Variants in PDZD2 observed in about 807,000 individuals in gnomAD.
PDZD2 encodes the protein PDZ domain containing 2.
In PDZD2, 90 loss-of-function variants were observed where a neutral mutation model predicts 220.7. The observed-to-expected ratio is 0.41, with a 90% CI of 0.34 to 0.49. The LOEUF is 0.49. PDZD2 is among the 20% of genes least tolerant of loss of function. The pLI is 0.28. For synonymous variants in PDZD2, 1,375 were observed against 1,450.5 expected, an observed-to-expected ratio of 0.95 and a Z score of 1.18; for missense variants, 3,174 against 3,608.5, an observed-to-expected ratio of 0.88 and a Z score of 3.08.
intron 2 of PDZD2, among the ~76,000 whole-genome samples, chr5:31,804,967 G>T (rs959288703): frequency 3.9e-5 from 6 of 152,348 alleles, no homozygotes; most frequent in Admixed American, 2.0e-4. Context: ...GCCGAGGCGG[G>T]TTGGTCAGCT....
At chr5:31,925,951 C>T (rs1744718057) in intron 2 of PDZD2, among the ~76,000 whole-genome samples, 1 of 152,120 alleles carries the variant, frequency 6.6e-6, no homozygotes, top group South Asian at 2.1e-4. Context: ...AGTCAAGTGC[C>T]TCATGCCTAT....
chr5:32,105,142 A>ACAAT (rs539018133), intron 24 of PDZD2, among the ~76,000 whole-genome samples: 1,873 of 152,042 alleles, frequency 0.012, 19 homozygotes, highest in Non-Finnish European at 0.018. Context: ...TCAAAAAAAA[A>ACAAT]CAATCAATCA....
chr5:31,951,855 T>C (rs16901697), intron 2 of PDZD2, among the ~76,000 whole-genome samples: 69,083 of 152,070 alleles, frequency 0.45, 15,955 homozygotes, highest in East Asian at 0.68. Context: ...GGAAAAAAAG[T>C]ATGAAAAGTA....
intron 1 of PDZD2, among the ~76,000 whole-genome samples, chr5:31,648,646 A>G (rs2150105107): frequency 6.6e-6 from 1 of 152,054 alleles, no homozygotes; most frequent in Admixed American, 6.5e-5. Context: ...TCCTCCGAGC[A>G]GCCAGAGGGG....
chr5:31,686,173 G>A (rs1035361440), intron 1 of PDZD2, among the ~76,000 whole-genome samples: 7 of 151,464 alleles, frequency 4.6e-5, no homozygotes, highest in Non-Finnish European at 8.8e-5. Context: ...GCAGTGAGCC[G>A]AGATTGTGCC....
rs962138780 is a variant in PDZD2 at position 32,110,891 on chromosome 5, T to A, written c.*2756T>A. 1 of 152,280 alleles carries A rather than the reference T, an allele frequency of 6.6e-6. No individual in the cohort carries two copies. The highest frequency in any genetic ancestry group is 1.5e-5 in the Non-Finnish European group (1 of 68,042). 9.4% of individuals were successfully genotyped at this position (152,280 alleles called of 1,614,324 possible). A position where few individuals can be genotyped will look rare whatever the true frequency, so the allele number is the denominator to read the frequency against. ...CCACATCTCTGTAAACAACCTTTTT[T>A]AAGTAATTTTAAAAAAAATAAACAC... On this transcript the variant is annotated 3_prime_UTR_variant, in exon 25 of 25. Transcript: ENST00000438447.
intron 19 of PDZD2, among the ~76,000 whole-genome samples, chr5:32,082,268 C>T (rs1166188585): frequency 6.6e-6 from 1 of 152,084 alleles, no homozygotes; most frequent in Non-Finnish European, 1.5e-5. Context: ...GTGATCCACC[C>T]ACCTCAGCCT....
chr5:31,826,384 T>C (rs1756220844), intron 2 of PDZD2, among the ~76,000 whole-genome samples: 1 of 152,108 alleles, frequency 6.6e-6, no homozygotes, highest in African/African-American at 2.4e-5. Flanking sequence ...TTTTACAAGA[T>C]ATTTGAGGCC....
chr5:32,105,318 T>A (rs1239212197), intron 24 of PDZD2, among the ~76,000 whole-genome samples: 1 of 152,158 alleles, frequency 6.6e-6, no homozygotes, highest in Admixed American at 6.5e-5. Context: ...GGATGAAAAT[T>A]AGAAATATTA....
rs148866882 is a variant in PDZD2, at chr5:32,110,177, A to ATAAT, written c.*2051_*2054dup. The ATAAT allele has an allele frequency of 1.3e-5, 2 of 152,618 alleles. No homozygotes were observed. Among genetic ancestry groups the ATAAT allele is most frequent in the African/African-American group, 4.8e-5 (2 of 41,420 alleles). The allele number at this position is 152,618 out of a possible 1,614,324, so 9.5% of individuals were successfully genotyped here. On this transcript the variant is annotated 3_prime_UTR_variant, in exon 25 of 25. Transcript: ENST00000438447. ...TCCACTCTTACAGCTGTGCCTAATA[A>ATAAT]TAATTAATTAATAAACGCACAGCCC... is the stretch of plus-strand genomic sequence containing the variant.
chr5:31,694,772 G>GGATTT lies in PDZD2; in HGVS notation c.-361+55336_-361+55340dup, dbSNP rs1474315303. On this transcript the variant is annotated intron_variant, in intron 1 of 24. Coordinates refer to ENST00000438447, the MANE Select transcript of PDZD2 (RefSeq NM_178140.4). Reference sequence around the variant, plus strand: ...TTTTTTTTTTCATATGTTACATCCTGGATTTTATTTTATTTTATTTATTTA... The same window carrying GGATTT: ...TTTTTTTTTTCATATGTTACATCCTGGATTTGATTTTATTTTATTTTATTTATTTA... 2.3e-5 allele frequency among the ~76,000 whole-genome samples: 3 copies of GGATTT among 128,720 alleles called. No homozygotes were observed. The Admixed American group carries it at 2.4e-4, about 10-fold the overall frequency. The allele number at this position is 128,720 out of a possible 152,430, so 84.4% of individuals were successfully genotyped here. A position where few individuals can be genotyped will look rare whatever the true frequency, so the allele number is the denominator to read the frequency against.
At chr5:31,725,189 T>A (rs1749047956) in intron 1 of PDZD2, among the ~76,000 whole-genome samples, 1 of 151,476 alleles carries the variant, frequency 6.6e-6, no homozygotes, top group East Asian at 1.9e-4. Context: ...CAAAAAAAAA[T>A]TAGCCAGGCG....
chr5:32,049,859 G>A lies in PDZD2; in HGVS notation c.1665+1175G>A, dbSNP rs186927944. On this transcript the variant is annotated intron_variant, in intron 8 of 24. Transcript: ENST00000438447. ...CAAACTTGTCCAGGCCCAGGACTGC[G>A]ACCTGCTCAGAATGGTCCTGTTGGA... 7.5e-4 allele frequency among the ~76,000 whole-genome samples: 114 copies of A among 152,276 alleles called. 2 individuals carry two copies. In the East Asian group the frequency reaches 0.01, roughly 13 times the overall value.
intron 2 of PDZD2, among the ~76,000 whole-genome samples, chr5:31,931,124 G>A (rs1745247646): frequency 6.6e-6 from 1 of 152,180 alleles, no homozygotes; most frequent in Admixed American, 6.5e-5. Flanking sequence ...CTGGGTTCAA[G>A]CAATTCTCCT....
At position 31,854,961 on chromosome 5, in the gene PDZD2, CG is replaced by C. The variant is rs1561512025; in HGVS notation, c.476+55240del. On this transcript the variant is annotated intron_variant, in intron 2 of 24. Transcript: ENST00000438447. ...CCTGGAGCCGGCGGAGAGCAGCCTT[CG>C]GGAAGTCCTGCAGGAGCCGCGTTCC... 4.1e-6 allele frequency: 4 copies of C among 985,232 alleles called. No homozygotes were observed. The African/African-American group carries it at 7.0e-5, about 17-fold the overall frequency. The allele number at this position is 985,232 out of a possible 1,614,324, so 61.0% of individuals were successfully genotyped here.
At chr5:31,852,073 T>G (rs1758089525) in intron 2 of PDZD2, among the ~76,000 whole-genome samples, 1 of 152,026 alleles carries the variant, frequency 6.6e-6, no homozygotes, top group Non-Finnish European at 1.5e-5. Context: ...GGCAGGCTGG[T>G]CTTGAGCTCC....
intron 1 of PDZD2, among the ~76,000 whole-genome samples, chr5:31,642,049 G>A (rs1744968069): frequency 6.6e-6 from 1 of 152,152 alleles, no homozygotes; most frequent in Admixed American, 6.5e-5. Flanking sequence ...ACACAGAGCT[G>A]TGGATACCCC....
rs185436193 is a variant in PDZD2, at chr5:31,864,537, G to A, written c.476+64813G>A. Reference sequence around the variant, plus strand: ...TGAATTGCATCCTTTTTTTTTTTTGGAGACGGAGTTTCGCTCTTGTCGCCC... The same window carrying A: ...TGAATTGCATCCTTTTTTTTTTTTGAAGACGGAGTTTCGCTCTTGTCGCCC... On this transcript the variant is annotated intron_variant, in intron 2 of 24. Coordinates refer to ENST00000438447, the MANE Select transcript of PDZD2 (RefSeq NM_178140.4). Among the ~76,000 whole-genome samples the A allele has an allele frequency of 4.3e-3, 649 of 149,880 alleles. 5 individuals are homozygous for A. Among genetic ancestry groups the A allele is most frequent in the African/African-American group, 0.015 (601 of 40,822 alleles).
chr5:31,680,617 T>G (rs971849928), intron 1 of PDZD2, among the ~76,000 whole-genome samples: 8 of 152,222 alleles, frequency 5.3e-5, no homozygotes, highest in Non-Finnish European at 1.2e-4. Context: ...CTCCCGTTTC[T>G]GTGGCCAGAC....
Sources: gnomAD v4.1 joint callset for allele counts (sites outside exome capture counted in the v4.1 genomes callset) on GRCh38, gnomAD v4.1.1 for gene constraint, MANE v1.5 for transcripts, NCBI Gene and HGNC (gene_info 2026-07-23, HGNC 2026-07-21) for gene names.